SNX8: variants seen among roughly 807,000 people sequenced by gnomAD.
SNX8 encodes sorting nexin 8.
In SNX8, 25 loss-of-function variants were observed where a neutral mutation model predicts 51.6. The ratio of observed to expected loss-of-function variants is 0.48; its 90% CI spans 0.35 to 0.68. The LOEUF (loss-of-function observed/expected upper bound fraction) is 0.68. Ranked by LOEUF, SNX8 falls within the 30% of genes least tolerant of loss-of-function variation. SNX8 has a pLI of 0.00. For synonymous variants in SNX8, 324 were observed against 277.0 expected, an observed-to-expected ratio of 1.17 and a Z score of -1.68; for missense variants, 695 against 624.0, an observed-to-expected ratio of 1.11 and a Z score of -1.21.
At chr7:2,273,375 G>A (rs968040638) in intron 3 of SNX8, among the ~76,000 whole-genome samples, 1 of 151,332 alleles carries the variant, frequency 6.6e-6, no homozygotes, top group Middle Eastern at 3.2e-3. Context: ...ATGAGGTCAG[G>A]AGATTGAGAC....
At chr7:2,340,073 T>G (rs1778894329) in intron 1 of SNX8, among the ~76,000 whole-genome samples, 1 of 152,010 alleles carries the variant, frequency 6.6e-6, no homozygotes, top group African/African-American at 2.4e-5. Context: ...AACTTTTTTT[T>G]TTTTTTTGAG....
At chr7:2,331,803 C>A (rs900325632) in intron 1 of SNX8, among the ~76,000 whole-genome samples, 2 of 151,932 alleles carry the variant, frequency 1.3e-5, no homozygotes, top group Admixed American at 1.3e-4. Context: ...TTGCTTGAAC[C>A]CAGGAGATGG....
At chr7:2,308,836 C>T (rs1353002612) in intron 1 of SNX8, among the ~76,000 whole-genome samples, 3 of 144,324 alleles carry the variant, frequency 2.1e-5, no homozygotes, top group Admixed American at 7.2e-5. Flanking sequence ...CAGGCTGCAG[C>T]GCGGCACCAT....
At chr7:2,287,353 G>A (rs1796055570) in intron 1 of SNX8, among the ~76,000 whole-genome samples, 1 of 151,940 alleles carries the variant, frequency 6.6e-6, no homozygotes, top group Admixed American at 6.6e-5. Flanking sequence ...GCTGAAGCAG[G>A]TGGATCCATT....
At chr7:2,299,872 T>C (rs77195741) in intron 1 of SNX8, among the ~76,000 whole-genome samples, 1,837 of 152,058 alleles carry the variant, frequency 0.012, 53 homozygotes, top group Admixed American at 0.061. Context: ...CCAAGAAAAT[T>C]CCAAGCAGTC....
At chr7:2,328,690 G>A (rs932178538) in intron 1 of SNX8, among the ~76,000 whole-genome samples, 20 of 152,024 alleles carry the variant, frequency 1.3e-4, no homozygotes, top group Admixed American at 6.6e-5. Flanking sequence ...GGTGGCTCAC[G>A]CCTGTAATCC....
intron 1 of SNX8, among the ~76,000 whole-genome samples, chr7:2,348,950 CAAA>C (rs60816121): frequency 3.6e-5 from 2 of 55,728 alleles, no homozygotes; most frequent in African/African-American, 7.6e-5. Context: ...GACTCTGTCT[CAAA>C]AAAAAAAAAA....
At chr7:2,267,957 C>A (rs1795514964) in intron 5 of SNX8, among the ~76,000 whole-genome samples, 1 of 136,404 alleles carries the variant, frequency 7.3e-6, no homozygotes. Context: ...AGCGCCTCTG[C>A]CCCGCCGCCC....
chr7:2,277,309 A>G (rs111651743), intron 2 of SNX8, among the ~76,000 whole-genome samples: 3 of 152,224 alleles, frequency 2.0e-5, no homozygotes, highest in African/African-American at 7.2e-5. Context: ...CGGGATGCCC[A>G]GCAACAGGAG....
chr7:2,327,694 A>C (rs886817297), intron 1 of SNX8, among the ~76,000 whole-genome samples: 2 of 146,742 alleles, frequency 1.4e-5, no homozygotes, highest in Admixed American at 6.8e-5. Flanking sequence ...GGCGTGAGCC[A>C]TCGCACCCGG....
At chr7:2,328,978 C>G (rs926817068) in intron 1 of SNX8, among the ~76,000 whole-genome samples, 1 of 151,646 alleles carries the variant, frequency 6.6e-6, no homozygotes, top group African/African-American at 2.4e-5. Flanking sequence ...CCCAGCTATT[C>G]GGGAGGCTGA....
upstream of SNX8, among the ~76,000 whole-genome samples, chr7:2,319,298 C>A (rs914378099): frequency 2.0e-5 from 3 of 151,880 alleles, no homozygotes; most frequent in Non-Finnish European, 4.4e-5. Flanking sequence ...GCTGAGATCA[C>A]ACCACTGCAC....
intron 1 of SNX8, among the ~76,000 whole-genome samples, chr7:2,348,950 C>CA (rs60816121): frequency 0.068 from 3,786 of 55,448 alleles, 187 homozygotes; most frequent in Admixed American, 0.077. Flanking sequence ...GACTCTGTCT[C>CA]AAAAAAAAAA....
At chr7:2,282,608 A>G (rs1385351526) in intron 1 of SNX8, among the ~76,000 whole-genome samples, 1 of 152,218 alleles carries the variant, frequency 6.6e-6, no homozygotes, top group Non-Finnish European at 1.5e-5. Context: ...GTAACAACAC[A>G]GAGCAGGTGA....
At chr7:2,349,050 G>A (rs1478012538) in intron 1 of SNX8, among the ~76,000 whole-genome samples, 3 of 142,596 alleles carry the variant, frequency 2.1e-5, no homozygotes, top group Admixed American at 7.0e-5. Flanking sequence ...TAAAAAAATT[G>A]TAAAAAAGCC....
chr7:2,285,394 A>C (rs1012682265), intron 1 of SNX8, among the ~76,000 whole-genome samples: 5 of 152,114 alleles, frequency 3.3e-5, no homozygotes, highest in Non-Finnish European at 7.4e-5. Flanking sequence ...GTCTCAAAAC[A>C]AAAAAACTTT....
At chr7:2,270,366 G>C (rs1760430942) in intron 4 of SNX8, among the ~76,000 whole-genome samples, 1 of 148,174 alleles carries the variant, frequency 6.7e-6, no homozygotes, top group Non-Finnish European at 1.5e-5. Flanking sequence ...CATGGTGCGT[G>C]CCTGTAGTCC....
intron 10 of SNX8, among the ~76,000 whole-genome samples, chr7:2,256,567 C>G (rs549816874): frequency 6.6e-6 from 1 of 152,366 alleles, no homozygotes; most frequent in East Asian, 1.9e-4. Flanking sequence ...TTCTCTCAGC[C>G]GCAGGGTGCG....
At position 2,313,534 on chromosome 7, in the gene SNX8, AAAAAAG is replaced by A. The variant is rs1338444751; in HGVS notation, c.94+788_94+793del. Among the ~76,000 whole-genome samples, 77 of 151,460 alleles carry A rather than the reference AAAAAAG, an allele frequency of 5.1e-4. 1 individual carries two copies. The South Asian group carries it at 7.5e-3, about 15-fold the overall frequency. On this transcript the variant is annotated intron_variant, in intron 1 of 10. Transcript: ENST00000222990. ...GTGAGAATCTGTCTCAAAAAAAAAA[AAAAAAG>A]AAAAGAAAAGAAAAAGAAAAAAGAA...
Sources: allele counts gnomAD v4.1 joint callset (sites outside exome capture counted in the v4.1 genomes callset), GRCh38; gene constraint gnomAD v4.1.1; transcripts MANE v1.5; gene names NCBI Gene and HGNC (gene_info 2026-07-23, HGNC 2026-07-21).